The following WTAP variants were observed in gnomAD, a reference collection of about 807,000 sequenced individuals.
WTAP encodes WT1 associated protein.
In WTAP, 8 loss-of-function variants were observed where a neutral mutation model predicts 50.0. That is an observed-to-expected ratio of 0.16 (90% CI 0.09 to 0.29). The LOEUF (loss-of-function observed/expected upper bound fraction) is 0.29, where lower values mean the gene tolerates loss of function less well. WTAP is among the 10% of genes least tolerant of loss of function. The pLI is 1.00. For missense variants in WTAP, 295 were observed against 470.7 expected (o/e 0.63, Z 3.45); for synonymous variants, 194 against 169.0 (o/e 1.15, Z -1.15).
upstream of WTAP, chr6:159,726,977 T>A: frequency 7.8e-7 from 1 of 1,281,456 alleles, no homozygotes. Flanking sequence ...GAGCGGCCAA[T>A]CACGCGCCGC....
chr6:159,743,638 A>G lies in WTAP; in HGVS notation c.146-27A>G, dbSNP rs1232400854. 8 of 1,570,174 alleles carry G rather than the reference A, an allele frequency of 5.1e-6. No individual in the cohort carries two copies. The South Asian group carries it at 8.5e-5, about 17-fold the overall frequency. ...ATTTAGAACTTGATCTTAAAATTGT[A>G]TTTATAATTTTTTTTTGAATCATCA... On this transcript the variant is annotated intron_variant, in intron 4 of 7. Coordinates refer to ENST00000621533, the MANE Select transcript of WTAP (RefSeq NM_001270531.2).
At chr6:159,727,036 C>A, upstream of WTAP, 1 of 1,228,184 alleles carries the variant, frequency 8.1e-7, no homozygotes, top group Non-Finnish European at 1.0e-6. Flanking sequence ...CGCAGGTGGC[C>A]CCGGCGAGTA....
In WTAP at chr6:159,728,538, G is replaced by C. The variant is rs559056861; in HGVS notation, c.-9+835G>C. Among the ~76,000 whole-genome samples, 5 of 152,262 alleles carry C rather than the reference G, an allele frequency of 3.3e-5. No homozygotes were observed. The South Asian group carries it at 8.3e-4, about 25-fold the overall frequency. ...TAGTTTTAGTTAATTCCATTGCTTC[G>C]GAAGATAAGTGGACGTCATAGATCC... On this transcript the variant is annotated intron_variant, in intron 1 of 7. Transcript: ENST00000621533.
In WTAP at chr6:159,732,874, G is replaced by C. The variant is rs373579028; in HGVS notation, c.-8-3384G>C. Reference sequence around the variant, plus strand: ...TTTCTCTCTCTCTCTCTCTCTCTCTGTATATATATATAGTGTGTGTGTGTG... The same window carrying C: ...TTTCTCTCTCTCTCTCTCTCTCTCTCTATATATATATAGTGTGTGTGTGTG... On this transcript the variant is annotated intron_variant, in intron 1 of 7. Transcript: ENST00000621533. Among the ~76,000 whole-genome samples the C allele has an allele frequency of 3.0e-4, 38 of 125,368 alleles. No homozygotes were observed. In the Middle Eastern group the frequency reaches 0.037, roughly 124 times the overall value. 82.2% of individuals were successfully genotyped at this position (125,368 alleles called of 152,430 possible).
At chr6:159,738,093 T>C (rs1390000863) in intron 2 of WTAP, among the ~76,000 whole-genome samples, 2 of 152,252 alleles carry the variant, frequency 1.3e-5, no homozygotes, top group African/African-American at 4.8e-5. Flanking sequence ...TTTCACGTTA[T>C]ACTAGCACTG....
chr6:159,732,396 G>C (rs544864368), intron 1 of WTAP, among the ~76,000 whole-genome samples: 5 of 152,272 alleles, frequency 3.3e-5, no homozygotes, highest in South Asian at 2.1e-4. Context: ...GTCATTCACA[G>C]ATCTCTACCA....
At chr6:159,754,643 AT>A (rs1199306795) in intron 7 of WTAP, among the ~76,000 whole-genome samples, 1 of 152,184 alleles carries the variant, frequency 6.6e-6, no homozygotes, top group East Asian at 1.9e-4. Flanking sequence ...CCATCTCTAG[AT>A]TAACAGTACC....
Position 159,755,185 on chromosome 6 carries a change from A to G in WTAP, c.765A>G (p.Thr255=). Residue 255 remains threonine (T), a synonymous_variant, in exon 8 of 8, where the codon ACA becomes ACG. Coordinates refer to ENST00000621533, the MANE Select transcript of WTAP (RefSeq NM_001270531.2). The stretch of plus-strand genomic sequence containing the variant: ...CTGCCCCAAGTACCAGCAGGACTAC[A>G]GCTTCTGAACCTGTAGAACAGTCAG... ...QASAPSTSRT[T]ASEPVEQSEA... 7 of 1,614,202 alleles carry G rather than the reference A, an allele frequency of 4.3e-6. No individual in the cohort carries two copies. Among genetic ancestry groups the G allele is most frequent in the Non-Finnish European group, 5.9e-6 (7 of 1,180,014 alleles).
upstream of WTAP, chr6:159,727,268 T>A: frequency 7.8e-7 from 1 of 1,282,836 alleles, no homozygotes; most frequent in Middle Eastern, 2.1e-4. Flanking sequence ...CCCTTCACCT[T>A]TCCTCTCCTG....
intron 5 of WTAP, among the ~76,000 whole-genome samples, chr6:159,747,425 G>A (rs1365427281): frequency 1.3e-5 from 2 of 152,098 alleles, no homozygotes; most frequent in Non-Finnish European, 2.9e-5. Context: ...GTTTGGATTA[G>A]GTGAGTTACT....
intron 1 of WTAP, among the ~76,000 whole-genome samples, chr6:159,730,024 T>C (rs1331821225): frequency 6.6e-6 from 1 of 152,186 alleles, no homozygotes; most frequent in Non-Finnish European, 1.5e-5. Context: ...AGATATATTA[T>C]CTCTGAATTA....
At chr6:159,749,725 T>A (rs1779754157) in intron 6 of WTAP, among the ~76,000 whole-genome samples, 1 of 152,242 alleles carries the variant, frequency 6.6e-6, no homozygotes, top group Non-Finnish European at 1.5e-5. Flanking sequence ...AACTGTGGGC[T>A]GGCCTAAGTA....
In WTAP at chr6:159,748,313, A is replaced by G. The variant is rs766574118; in HGVS notation, c.396A>G (p.Lys132=). The part of the protein sequence containing the change: ...LKMKGELEQT[K]DKLEQAQNEL... ...TGAAAGGTGAACTGGAACAGACTAA[A>G]GACAAACTGGAACAAGCCCAAAATG... is the stretch of plus-strand genomic sequence containing the variant. Residue 132 remains lysine (K), a synonymous_variant, in exon 6 of 8, where the codon AAA becomes AAG. Transcript: ENST00000621533. The surrounding 1 kb of genome is among the most constrained non-coding windows in gnomAD (Gnocchi z 5.6). 1 of 1,614,094 alleles carries G rather than the reference A, an allele frequency of 6.2e-7. No individual in the cohort carries two copies. The highest frequency in any genetic ancestry group is 1.7e-5 in the Admixed American group (1 of 60,016).
chr6:159,728,487 G>A (rs185050501), intron 1 of WTAP, among the ~76,000 whole-genome samples: 15 of 152,162 alleles, frequency 9.9e-5, no homozygotes, highest in Non-Finnish European at 2.1e-4. Context: ...GTTACAATTG[G>A]AAGTTGTATT....
intron 1 of WTAP, among the ~76,000 whole-genome samples, chr6:159,730,315 C>A (rs540173328): frequency 6.6e-6 from 1 of 152,268 alleles, no homozygotes; most frequent in Admixed American, 6.5e-5. Context: ...TTAATTGACT[C>A]CAAATGATGT....
At position 159,731,410 on chromosome 6, in the gene WTAP, G is replaced by C. The variant is rs149422885; in HGVS notation, c.-9+3707G>C. On this transcript the variant is annotated intron_variant, in intron 1 of 7. Coordinates refer to ENST00000621533, the MANE Select transcript of WTAP (RefSeq NM_001270531.2). Reference sequence around the variant, plus strand: ...TTGAGCCCAAGAGATGGAGGCTGCAGTGAGCTGTGATCGAGTCACTGCACT... The same window carrying C: ...TTGAGCCCAAGAGATGGAGGCTGCACTGAGCTGTGATCGAGTCACTGCACT... 2.4e-3 allele frequency among the ~76,000 whole-genome samples: 370 copies of C among 152,304 alleles called. 2 individuals are homozygous for C. Among genetic ancestry groups the C allele is most frequent in the African/African-American group, 8.3e-3 (345 of 41,576 alleles).
chr6:159,729,819 C>G (rs1327078696), intron 1 of WTAP, among the ~76,000 whole-genome samples: 1 of 152,186 alleles, frequency 6.6e-6, no homozygotes, highest in African/African-American at 2.4e-5. Flanking sequence ...GGTACCGTGT[C>G]TTCTTACTGA....
In WTAP at chr6:159,748,298, A is replaced by T; in HGVS notation, c.381A>T (p.Glu127Asp). 6.2e-7 allele frequency: 1 copy of T among 1,614,132 alleles called. No homozygotes were observed. The highest frequency in any genetic ancestry group is 8.5e-7 in the Non-Finnish European group (1 of 1,179,976). ...INLFFLKMKG[E>D]LEQTKDKLEQ... The stretch of plus-strand genomic sequence containing the variant: ...TGTTTTTCCTAAAAATGAAAGGTGA[A>T]CTGGAACAGACTAAAGACAAACTGG... The change falls in exon 6 of 8, where the codon GAA becomes GAT. Residue 127 changes from glutamate to aspartate, a missense_variant. Glu to Asp is a conservative substitution (Grantham distance 45). Transcript: ENST00000621533. The surrounding 1 kb of genome is among the most constrained non-coding windows in gnomAD (Gnocchi z 5.6).
At chr6:159,754,476 A>G (rs1398896788) in intron 7 of WTAP, among the ~76,000 whole-genome samples, 2 of 152,216 alleles carry the variant, frequency 1.3e-5, no homozygotes, top group East Asian at 1.9e-4. Context: ...GTAATCAGGC[A>G]TATGGCAAGA....
Sources: allele counts gnomAD v4.1 joint callset (sites outside exome capture counted in the v4.1 genomes callset), GRCh38; gene constraint gnomAD v4.1.1; non-coding constraint Gnocchi (gnomAD v3.1); transcripts MANE v1.5; gene names NCBI Gene and HGNC (gene_info 2026-07-23, HGNC 2026-07-21).